GFRA1: variants seen among roughly 807,000 people sequenced by gnomAD.
The protein encoded by GFRA1 is GDNF family receptor alpha 1.
GFRA1 carries 16 observed loss-of-function variants against 51.6 expected under a neutral mutation model. The observed-to-expected ratio is 0.31, with a 90% CI of 0.21 to 0.47. The LOEUF is 0.47. GFRA1 is among the 20% of genes least tolerant of loss of function. The probability of loss-of-function intolerance (pLI) is 1.00; values close to 1 mark genes in which losing one functional copy is unlikely to be tolerated. For missense variants in GFRA1, 530 were observed against 594.3 expected, an observed-to-expected ratio of 0.89 and a Z score of 1.13; for synonymous variants, 270 against 241.3, an observed-to-expected ratio of 1.12 and a Z score of -1.10.
intron 4 of GFRA1, among the ~76,000 whole-genome samples, chr10:116,259,312 A>G (rs1229525481): frequency 7.6e-6 from 1 of 132,168 alleles, no homozygotes; most frequent in Non-Finnish European, 1.6e-5. Flanking sequence ...AGTGGGACTC[A>G]ACTATGTATT....
chr10:116,141,645 GC>G (rs2134094643), intron 5 of GFRA1, among the ~76,000 whole-genome samples: 1 of 152,248 alleles, frequency 6.6e-6, no homozygotes, highest in South Asian at 2.1e-4. Context: ...GTGCAGTGGT[GC>G]AATCTCGGCT....
At chr10:116,203,317 C>T (rs887217185) in intron 5 of GFRA1, among the ~76,000 whole-genome samples, 1 of 152,190 alleles carries the variant, frequency 6.6e-6, no homozygotes, top group Admixed American at 6.5e-5. Flanking sequence ...AAAAACAATG[C>T]GAGTGGGGCT....
chr10:116,061,988 G>A lies in GFRA1; in HGVS notation c.*2410C>T. 2.5e-6 allele frequency: 1 copy of A among 398,580 alleles called. No individual in the cohort carries two copies. Among genetic ancestry groups the A allele is most frequent in the Non-Finnish European group, 4.4e-6 (1 of 226,038 alleles). 24.7% of individuals were successfully genotyped at this position (398,580 alleles called of 1,614,324 possible). On this transcript the variant is annotated 3_prime_UTR_variant, in exon 11 of 11. Coordinates refer to ENST00000355422, the MANE Select transcript of GFRA1 (RefSeq NM_005264.8). ...AACTGATTTTCAAATTGAGGAGCTG[G>A]TAACTTGAATATGCTTTTATCACTG...
rs1021514580 is a variant in GFRA1, at chr10:116,057,732, CTGTT to C, written c.*6662_*6665del. 5.6e-5 allele frequency: 8 copies of C among 142,080 alleles called. No individual in the cohort carries two copies. Among genetic ancestry groups the C allele is most frequent in the Non-Finnish European group, 1.2e-4 (8 of 66,810 alleles). 8.8% of individuals were successfully genotyped at this position (142,080 alleles called of 1,614,324 possible). A position where few individuals can be genotyped will look rare whatever the true frequency, so the allele number is the denominator to read the frequency against. On this transcript the variant is annotated 3_prime_UTR_variant, in exon 11 of 11. Transcript: ENST00000355422. The stretch of plus-strand genomic sequence containing the variant: ...AGGCCCTGGATTCAGGTTTCTGAAA[CTGTT>C]TTTTTTTTTTCAACCCTCGGAGGAC...
At chr10:116,206,361 C>T (rs1323373342) in intron 5 of GFRA1, among the ~76,000 whole-genome samples, 1 of 152,078 alleles carries the variant, frequency 6.6e-6, no homozygotes, top group Non-Finnish European at 1.5e-5. Flanking sequence ...GAAGGCCGAG[C>T]AGTTTGACCC....
intron 5 of GFRA1, among the ~76,000 whole-genome samples, chr10:116,187,924 C>A (rs1404275101): frequency 6.6e-6 from 1 of 152,068 alleles, no homozygotes; most frequent in Admixed American, 6.6e-5. Context: ...CTCCCCACGC[C>A]CTGCAAGTAC....
intron 4 of GFRA1, chr10:116,255,627 A>T (rs1437602974): frequency 1.6e-6 from 2 of 1,288,668 alleles, no homozygotes; most frequent in African/African-American, 1.5e-5. Context: ...CTGATGTGTT[A>T]GCTCACCTGG....
At chr10:116,241,841 T>C (rs1319619587) in intron 4 of GFRA1, among the ~76,000 whole-genome samples, 3 of 152,138 alleles carry the variant, frequency 2.0e-5, no homozygotes, top group South Asian at 4.1e-4. Flanking sequence ...GAGAATCAAC[T>C]TGCTACCCAG....
chr10:116,091,231 T>C (rs1434670881), intron 8 of GFRA1, among the ~76,000 whole-genome samples: 2 of 152,216 alleles, frequency 1.3e-5, no homozygotes, highest in Non-Finnish European at 2.9e-5. Context: ...TTCATTCAAA[T>C]GTTAATAGAA....
chr10:116,230,371 T>G (rs758812147), intron 4 of GFRA1, among the ~76,000 whole-genome samples: 1 of 152,222 alleles, frequency 6.6e-6, no homozygotes, highest in Non-Finnish European at 1.5e-5. Flanking sequence ...ATCACAGTGA[T>G]AGCAAATGAA....
Position 116,065,636 on chromosome 10 carries a change from G to T in GFRA1, c.1198-10C>A, listed in dbSNP as rs897681332. On this transcript the variant is annotated splice_polypyrimidine_tract_variant and intron_variant, in intron 9 of 10. Coordinates refer to ENST00000355422, the MANE Select transcript of GFRA1 (RefSeq NM_005264.8). ...ATTTCAGCTTCTGTGCCTGGAGAGG[G>T]ACAAGAAAAAAAATGCTCAAACATA... 1 of 1,610,478 alleles carries T rather than the reference G, an allele frequency of 6.2e-7. No homozygotes were observed. The highest frequency in any genetic ancestry group is 8.5e-7 in the Non-Finnish European group (1 of 1,177,328).
chr10:116,192,924 T>C (rs2134332252), intron 5 of GFRA1, among the ~76,000 whole-genome samples: 1 of 152,192 alleles, frequency 6.6e-6, no homozygotes, highest in East Asian at 1.9e-4. Context: ...TTTGAAGTGG[T>C]CAAGAGAAGG....
intron 5 of GFRA1, among the ~76,000 whole-genome samples, chr10:116,191,883 C>A (rs1279970525): frequency 6.6e-6 from 1 of 151,992 alleles, no homozygotes. Context: ...AAAAATTAGC[C>A]GGGCGTGGTG....
chr10:116,248,882 T>C (rs983088210), intron 4 of GFRA1, among the ~76,000 whole-genome samples: 7 of 152,146 alleles, frequency 4.6e-5, no homozygotes, highest in African/African-American at 1.7e-4. Flanking sequence ...GAGAAAACCA[T>C]GCACACCCTG....
chr10:116,170,137 T>C (rs1052137037), intron 5 of GFRA1, among the ~76,000 whole-genome samples: 3 of 152,094 alleles, frequency 2.0e-5, no homozygotes, highest in African/African-American at 7.2e-5. Flanking sequence ...CAATTGCTAA[T>C]CAAAGGCCTC....
intron 4 of GFRA1, among the ~76,000 whole-genome samples, chr10:116,246,846 C>T (rs1967906877): frequency 6.6e-6 from 1 of 152,024 alleles, no homozygotes; most frequent in Admixed American, 6.5e-5. Flanking sequence ...AATGTGCATG[C>T]CTCATAACCC....
intron 5 of GFRA1, among the ~76,000 whole-genome samples, chr10:116,171,672 ACAGCT>A (rs767654523): frequency 6.6e-6 from 1 of 152,304 alleles, no homozygotes; most frequent in Non-Finnish European, 1.5e-5. Context: ...CAGCACATAC[ACAGCT>A]GGAATGATGG....
Position 116,120,498 on chromosome 10 carries a change from T to A in GFRA1, c.770+4723A>T, listed in dbSNP as rs558357519. On this transcript the variant is annotated intron_variant, in intron 6 of 10. Transcript: ENST00000355422. The stretch of plus-strand genomic sequence containing the variant: ...TACATGGGAGGCTGAGATGAGGGGA[T>A]CGCTAGAGCCCAGGAGTTAGAGGCT... Among the ~76,000 whole-genome samples the A allele has an allele frequency of 9.9e-5, 15 of 152,208 alleles. No individual in the cohort carries two copies. The East Asian group carries it at 2.7e-3, about 28-fold the overall frequency.
intron 5 of GFRA1, among the ~76,000 whole-genome samples, chr10:116,144,656 T>C (rs1958717155): frequency 6.6e-6 from 1 of 152,134 alleles, no homozygotes; most frequent in East Asian, 1.9e-4. Flanking sequence ...TGAAAAAAGA[T>C]AAAATTAGAT....
Sources: allele counts gnomAD v4.1 joint callset (sites outside exome capture counted in the v4.1 genomes callset), GRCh38; gene constraint gnomAD v4.1.1; transcripts MANE v1.5; gene names NCBI Gene and HGNC (gene_info 2026-07-23, HGNC 2026-07-21).